Variants in PCDHA9 observed in about 807,000 individuals in gnomAD.
PCDHA9 encodes protocadherin alpha 9, also known as protocadherin alpha-9.
PCDHA9 carries 62 observed loss-of-function variants against 62.0 expected under a neutral mutation model. That is an observed-to-expected ratio of 1.00 (90% confidence interval 0.81 to 1.23). The LOEUF (loss-of-function observed/expected upper bound fraction) is 1.23. Ranked by LOEUF, PCDHA9 falls within the 50% of genes most tolerant of loss-of-function variation. PCDHA9 has a pLI of 0.00. For missense variants in PCDHA9, 1,205 were observed against 1,249.8 expected (o/e 0.96, Z 0.54); for synonymous variants, 557 against 567.6 (o/e 0.98, Z 0.27).
intron 3 of PCDHA9, among the ~76,000 whole-genome samples, chr5:141,000,038 C>T (rs1554257087): frequency 3.3e-5 from 5 of 152,092 alleles, no homozygotes; most frequent in Non-Finnish European, 5.9e-5. Flanking sequence ...TCCAATCACA[C>T]ACACACCACT....
chr5:140,907,693 G>A (rs573463032), intron 1 of PCDHA9, among the ~76,000 whole-genome samples: 49 of 152,318 alleles, frequency 3.2e-4, no homozygotes, highest in Non-Finnish European at 6.5e-4. Flanking sequence ...GTGAGTGGAA[G>A]TCCCTGTTGC....
intron 1 of PCDHA9, among the ~76,000 whole-genome samples, chr5:140,903,933 A>G (rs1348730153): frequency 1.3e-5 from 2 of 152,220 alleles, no homozygotes; most frequent in East Asian, 1.9e-4. Context: ...ATTGGATAAT[A>G]CCTCTTAAAT....
At chr5:140,937,199 G>T (rs2091405017) in intron 1 of PCDHA9, among the ~76,000 whole-genome samples, 1 of 151,792 alleles carries the variant, frequency 6.6e-6, no homozygotes, top group African/African-American at 2.4e-5. Flanking sequence ...CACCATGCCC[G>T]GCTAATTTTT....
intron 1 of PCDHA9, among the ~76,000 whole-genome samples, chr5:140,959,188 G>A (rs782018838): frequency 6.6e-6 from 1 of 151,982 alleles, no homozygotes; most frequent in Non-Finnish European, 1.5e-5. Context: ...ACCAGTCTGG[G>A]CAACATGGTG....
chr5:140,884,634 GGGA>G (rs1562808845), intron 1 of PCDHA9: 3 of 1,612,414 alleles, frequency 1.9e-6, no homozygotes, highest in Non-Finnish European at 2.5e-6. Context: ...ACAGGCCAGA[GGGA>G]GGAGGACTCA....
At chr5:140,955,989 A>C (rs2095245782) in intron 1 of PCDHA9, among the ~76,000 whole-genome samples, 1 of 152,172 alleles carries the variant, frequency 6.6e-6, no homozygotes, top group Non-Finnish European at 1.5e-5. Flanking sequence ...ATTTTTGCAC[A>C]TTGATTTTGT....
chr5:140,857,428 G>A lies in PCDHA9; in HGVS notation c.2394+6539G>A, dbSNP rs782142394. On this transcript the variant is annotated intron_variant, in intron 1 of 3. Coordinates refer to ENST00000532602, the MANE Select transcript of PCDHA9 (RefSeq NM_031857.2). ...CTGCGTTCGCGCAGTCCGAGTACACGGTGTTCGTGAAGGAGAACAACCCGC... is the reference window on the plus strand; with the variant it reads ...CTGCGTTCGCGCAGTCCGAGTACACAGTGTTCGTGAAGGAGAACAACCCGC... The A allele has an allele frequency of 3.8e-6, 6 of 1,598,456 alleles. 1 individual carries two copies. Among genetic ancestry groups the A allele is most frequent in the Non-Finnish European group, 5.1e-6 (6 of 1,167,860 alleles).
intron 3 of PCDHA9, among the ~76,000 whole-genome samples, chr5:140,986,569 T>C (rs1006962446): frequency 7.2e-5 from 11 of 152,296 alleles, no homozygotes; most frequent in East Asian, 3.9e-4. Context: ...TTATCTGTTA[T>C]TGGTTTTTCC....
chr5:140,879,894 T>C (rs2153369518), intron 1 of PCDHA9, among the ~76,000 whole-genome samples: 1 of 152,348 alleles, frequency 6.6e-6, no homozygotes. Context: ...CTCCTCTCCA[T>C]GTCTCTCTCT....
chr5:140,875,655 G>C, intron 1 of PCDHA9: 1 of 1,613,724 alleles, frequency 6.2e-7, no homozygotes, highest in Middle Eastern at 1.7e-4. Context: ...AGCTGGTGCC[G>C]CGCCTGTTCC....
At chr5:141,001,908 G>T (rs2098043431) in intron 3 of PCDHA9, among the ~76,000 whole-genome samples, 1 of 152,198 alleles carries the variant, frequency 6.6e-6, no homozygotes, top group Non-Finnish European at 1.5e-5. Flanking sequence ...GTTTGAAAAA[G>T]ACTGCAGTGG....
intron 2 of PCDHA9, among the ~76,000 whole-genome samples, chr5:140,980,943 T>C (rs573281233): frequency 1.6e-4 from 25 of 152,172 alleles, no homozygotes; most frequent in Non-Finnish European, 3.1e-4. Context: ...CTGAGCTGGC[T>C]CCAGGATAGT....
chr5:140,875,603 T>C (rs2055641899), intron 1 of PCDHA9: 1 of 1,613,724 alleles, frequency 6.2e-7, no homozygotes, highest in Admixed American at 1.7e-5. Context: ...CACGGCACCT[T>C]CGTGGGCCGC....
At chr5:140,883,280 G>T (rs2059527753) in intron 1 of PCDHA9, 1 of 1,613,990 alleles carries the variant, frequency 6.2e-7, no homozygotes, top group Non-Finnish European at 8.5e-7. Flanking sequence ...TACCCTTTTG[G>T]TGGAAGTACT....
chr5:140,991,386 G>T (rs1044991848), intron 3 of PCDHA9, among the ~76,000 whole-genome samples: 2 of 152,168 alleles, frequency 1.3e-5, no homozygotes, highest in African/African-American at 4.8e-5. Context: ...CAACTGTAGG[G>T]TGTCTGTATT....
Position 140,848,571 on chromosome 5 carries a change from G to A in PCDHA9, c.76G>A (p.Val26Met). ...GCTTCTGATCCTCGCAATGTGGGTG[G>A]TGGGGAGCGGCCAGCTCCACTACTC... The part of the protein sequence containing the change: ...LSLLILAMWV[V>M]GSGQLHYSVP... The change falls in exon 1 of 4, where the codon GTG becomes ATG. Residue 26 changes from valine to methionine, a missense_variant. Transcript: ENST00000532602. 1 of 1,595,628 alleles carries A rather than the reference G, an allele frequency of 6.3e-7. No individual in the cohort carries two copies. The highest frequency in any genetic ancestry group is 1.1e-5 in the South Asian group (1 of 90,484).
At chr5:140,887,829 G>A (rs2061597831) in intron 1 of PCDHA9, among the ~76,000 whole-genome samples, 1 of 151,932 alleles carries the variant, frequency 6.6e-6, no homozygotes, top group Non-Finnish European at 1.5e-5. Flanking sequence ...GCCTCATTTT[G>A]AATATCTTTT....
intron 1 of PCDHA9, among the ~76,000 whole-genome samples, chr5:140,908,899 C>CT (rs1382483322): frequency 6.6e-6 from 1 of 152,194 alleles, no homozygotes; most frequent in Non-Finnish European, 1.5e-5. Flanking sequence ...AAATAAGCCT[C>CT]TTTCGTGGTT....
intron 1 of PCDHA9, chr5:140,929,034 C>T (rs561529051): frequency 2.5e-6 from 4 of 1,614,158 alleles, no homozygotes; most frequent in East Asian, 4.5e-5. Flanking sequence ...CAGGCTGTTG[C>T]GCTCAGAGCT....
Sources: gnomAD v4.1 joint callset for allele counts (sites outside exome capture counted in the v4.1 genomes callset) on GRCh38, gnomAD v4.1.1 for gene constraint, MANE v1.5 for transcripts, NCBI Gene and HGNC (gene_info 2026-07-23, HGNC 2026-07-21) for gene names.